Variants in CACNA1C observed in about 807,000 individuals in gnomAD.
The protein encoded by CACNA1C is calcium voltage-gated channel subunit alpha1 C, also known as voltage-dependent L-type calcium channel subunit alpha-1C.
A neutral mutation model predicts 229.0 loss-of-function variants in CACNA1C; 30 were observed. The ratio of observed to expected loss-of-function variants is 0.13; its 90% confidence interval spans 0.10 to 0.18. CACNA1C has a LOEUF of 0.18. Among genes scored for constraint, CACNA1C ranks in the 10% least tolerant of loss-of-function variants. The pLI is 1.00. For synonymous variants in CACNA1C, 1,114 were observed against 1,132.5 expected, an observed-to-expected ratio of 0.98 and a Z score of 0.33; for missense variants, 1,658 against 2,845.0, an observed-to-expected ratio of 0.58 and a Z score of 9.49.
chr12:2,127,443 A>G (rs2090550107), intron 3 of CACNA1C, among the ~76,000 whole-genome samples: 1 of 152,204 alleles, frequency 6.6e-6, no homozygotes, highest in Non-Finnish European at 1.5e-5. Flanking sequence ...AATGAGCTTT[A>G]TTATTGCTAT....
chr12:2,469,180 A>G (rs1293705389), intron 5 of CACNA1C, among the ~76,000 whole-genome samples: 1 of 152,194 alleles, frequency 6.6e-6, no homozygotes, highest in African/African-American at 2.4e-5. Flanking sequence ...ATATACAAAC[A>G]TTAGCCAGGA....
At chr12:2,464,970 C>G (rs368244624) in intron 5 of CACNA1C, among the ~76,000 whole-genome samples, 1 of 152,222 alleles carries the variant, frequency 6.6e-6, no homozygotes, top group African/African-American at 2.4e-5. Flanking sequence ...AGACTACTTA[C>G]TGGCTTCTGC....
At chr12:2,179,204 TAA>T (rs2096757482) in intron 3 of CACNA1C, among the ~76,000 whole-genome samples, 1 of 152,250 alleles carries the variant, frequency 6.6e-6, no homozygotes, top group Non-Finnish European at 1.5e-5. Context: ...CAGTCTTTTA[TAA>T]AACTCTCAGT....
At chr12:2,588,625 C>T (rs1353291841) in intron 18 of CACNA1C, among the ~76,000 whole-genome samples, 1 of 152,182 alleles carries the variant, frequency 6.6e-6, no homozygotes, top group Non-Finnish European at 1.5e-5. Context: ...AAGGGGCCAT[C>T]GAGGCCAGCC....
At chr12:2,674,031 G>T (rs1273574821) in intron 38 of CACNA1C, among the ~76,000 whole-genome samples, 1 of 152,116 alleles carries the variant, frequency 6.6e-6, no homozygotes, top group African/African-American at 2.4e-5. Context: ...AGGCATCTAA[G>T]TAGGGGAACT....
At chr12:2,155,629 AG>A (rs1469222326) in intron 3 of CACNA1C, among the ~76,000 whole-genome samples, 1 of 152,194 alleles carries the variant, frequency 6.6e-6, no homozygotes, top group African/African-American at 2.4e-5. Flanking sequence ...CTCACTTAAA[AG>A]TGCTGTGAGA....
In CACNA1C at chr12:2,491,254, G is replaced by T. The variant is rs185737844; in HGVS notation, c.917-1936G>T. 3.9e-5 allele frequency among the ~76,000 whole-genome samples: 6 copies of T among 152,302 alleles called. No individual in the cohort carries two copies. In the East Asian group the frequency reaches 1.2e-3, roughly 29 times the overall value. The stretch of plus-strand genomic sequence containing the variant: ...GGAAGGATTGACTGCAAGCAGGCGA[G>T]GGGGGTTTCAGGGAGTGATGGCCGT... On this transcript the variant is annotated intron_variant, in intron 6 of 46. Transcript: ENST00000399655.
intron 3 of CACNA1C, among the ~76,000 whole-genome samples, chr12:2,163,739 C>T (rs1399825969): frequency 6.6e-6 from 1 of 152,128 alleles, no homozygotes; most frequent in Non-Finnish European, 1.5e-5. Context: ...GCGGCTCTGG[C>T]GGCTGCATGT....
chr12:2,401,219 G>C (rs2098672543), intron 3 of CACNA1C, among the ~76,000 whole-genome samples: 1 of 152,252 alleles, frequency 6.6e-6, no homozygotes, highest in Non-Finnish European at 1.5e-5. Flanking sequence ...CTCTGTGGCA[G>C]GGGTGGGAAC....
intron 1 of CACNA1C, among the ~76,000 whole-genome samples, chr12:2,092,860 A>G (rs1455973457): frequency 3.9e-5 from 6 of 152,238 alleles, no homozygotes; most frequent in Non-Finnish European, 5.9e-5. Flanking sequence ...AATGAGTCTC[A>G]TGTCTAATTA....
At chr12:2,174,756 A>G (rs1274851905) in intron 3 of CACNA1C, among the ~76,000 whole-genome samples, 2 of 152,248 alleles carry the variant, frequency 1.3e-5, no homozygotes, top group African/African-American at 2.4e-5. Context: ...GATAACATAA[A>G]CAGTCGATGA....
At chr12:2,421,488 T>G (rs1230443612) in intron 3 of CACNA1C, among the ~76,000 whole-genome samples, 1 of 152,198 alleles carries the variant, frequency 6.6e-6, no homozygotes, top group East Asian at 1.9e-4. Context: ...CATCCCAGAT[T>G]GGAGAAGGAA....
chr12:2,004,177 G>A lies in CACNA1C; in HGVS notation c.139+32976G>A, dbSNP rs775960462. The A allele has an allele frequency of 4.7e-6, 7 of 1,501,366 alleles. No individual in the cohort carries two copies. The African/African-American group carries it at 9.7e-5, about 21-fold the overall frequency. The allele number at this position is 1,501,366 out of a possible 1,614,324, so 93.0% of individuals were successfully genotyped here. On this transcript the variant is annotated intron_variant, in intron 1 of 46. Transcript: ENST00000682462. The stretch of plus-strand genomic sequence containing the variant: ...GTCCCCAGATCCACCCACTTCCAGG[G>A]CGTCAACGTCTCCTCCCCCTCACCG...
chr12:2,255,712 A>T (rs902497543), intron 3 of CACNA1C, among the ~76,000 whole-genome samples: 1 of 152,014 alleles, frequency 6.6e-6, no homozygotes, highest in Non-Finnish European at 1.5e-5. Context: ...ATTCCTCCTC[A>T]TTGGACAGAT....
In CACNA1C at chr12:2,407,856, T is replaced by C. The variant is rs572810671; in HGVS notation, c.478-41120T>C. ...CCATTTGTAGATCTTTAGAGAAATGTCTATTCAAATCCTTTGCTTATTTTT... is the reference window on the plus strand; with the variant it reads ...CCATTTGTAGATCTTTAGAGAAATGCCTATTCAAATCCTTTGCTTATTTTT... On this transcript the variant is annotated intron_variant, in intron 3 of 46. Coordinates refer to ENST00000399655, the MANE Select transcript of CACNA1C (RefSeq NM_000719.7). Among the ~76,000 whole-genome samples, 10 of 152,338 alleles carry C rather than the reference T, an allele frequency of 6.6e-5. 1 individual carries two copies. In the South Asian group the frequency reaches 2.1e-3, roughly 32 times the overall value.
At chr12:2,173,454 G>T (rs987183880) in intron 3 of CACNA1C, among the ~76,000 whole-genome samples, 1 of 152,200 alleles carries the variant, frequency 6.6e-6, no homozygotes, top group Admixed American at 6.5e-5. Context: ...GAGAAGGAAA[G>T]GCGGCAGATT....
rs575812648 is a variant in CACNA1C, at chr12:2,410,128, C to T, written c.478-38848C>T. Among the ~76,000 whole-genome samples the T allele has an allele frequency of 5.1e-4, 78 of 152,350 alleles. No individual in the cohort carries two copies. Among genetic ancestry groups the T allele is most frequent in the Non-Finnish European group, 1.0e-3 (68 of 68,028 alleles). ...CTGTGGGTTGCTTTTAGCTGTCAGCCTTGGATGGTGGGCTCATGCATTCTG... is the reference window on the plus strand; with the variant it reads ...CTGTGGGTTGCTTTTAGCTGTCAGCTTTGGATGGTGGGCTCATGCATTCTG... On this transcript the variant is annotated intron_variant, in intron 3 of 46. Coordinates refer to ENST00000399655, the MANE Select transcript of CACNA1C (RefSeq NM_000719.7). The surrounding 1 kb of genome is among the most constrained non-coding windows in gnomAD (Gnocchi z 5.3).
chr12:2,089,643 G>GT (rs1279587972), intron 1 of CACNA1C, among the ~76,000 whole-genome samples: 1 of 152,160 alleles, frequency 6.6e-6, no homozygotes, highest in African/African-American at 2.4e-5. Flanking sequence ...TAAAAAGTAC[G>GT]TAACACAGTT....
intron 29 of CACNA1C, chr12:2,615,106 T>C (rs926184324): frequency 6.6e-6 from 1 of 152,176 alleles, no homozygotes; most frequent in African/African-American, 2.4e-5. Context: ...CCAGCATTGA[T>C]TTGAACAGTG....
Sources: allele counts gnomAD v4.1 joint callset (sites outside exome capture counted in the v4.1 genomes callset), GRCh38; gene constraint gnomAD v4.1.1; non-coding constraint Gnocchi (gnomAD v3.1); transcripts MANE v1.5; gene names NCBI Gene and HGNC (gene_info 2026-07-23, HGNC 2026-07-21).